CDC42BPB: variants seen among roughly 807,000 people sequenced by gnomAD.
CDC42BPB encodes serine/threonine-protein kinase MRCK beta.
A neutral mutation model predicts 214.9 loss-of-function variants in CDC42BPB; 37 were observed. That is an observed-to-expected ratio of 0.17 (90% confidence interval 0.13 to 0.23). The LOEUF (loss-of-function observed/expected upper bound fraction) is 0.23, where lower values mean the gene tolerates loss of function less well. Ranked by LOEUF, CDC42BPB falls within the 10% of genes least tolerant of loss-of-function variation. The probability of loss-of-function intolerance (pLI) is 1.00; values close to 1 mark genes in which losing one functional copy is unlikely to be tolerated. For missense variants in CDC42BPB, 1,694 were observed against 2,227.0 expected (o/e 0.76, Z 4.82); for synonymous variants, 931 against 884.0 (o/e 1.05, Z -0.94).
At chr14:103,055,484 T>C (rs763844111) in intron 1 of CDC42BPB, among the ~76,000 whole-genome samples, 1 of 152,216 alleles carries the variant, frequency 6.6e-6, no homozygotes, top group Admixed American at 6.5e-5. Flanking sequence ...AAGACCTCAC[T>C]TTCAAAGCAA....
At chr14:102,954,507 A>G (rs2139407393) in intron 22 of CDC42BPB, 95 bp downstream of exon 22, 1 of 1,403,932 alleles carries the variant, frequency 7.1e-7, no homozygotes. Flanking sequence ...CCCTCGCTGC[A>G]AACTGTTATG....
At chr14:103,038,713 GA>G (rs1280517418) in intron 1 of CDC42BPB, among the ~76,000 whole-genome samples, 3 of 93,958 alleles carry the variant, frequency 3.2e-5, no homozygotes, top group Non-Finnish European at 5.9e-5. Context: ...TTTTTGTAGA[GA>G]CGGGGGGGGG....
chr14:102,984,061 T>C (rs574693149), intron 6 of CDC42BPB: 2 of 166,492 alleles, frequency 1.2e-5, no homozygotes, highest in East Asian at 3.8e-4. Flanking sequence ...ACCTCAATAA[T>C]GCAAAATTCA....
In CDC42BPB at chr14:102,943,864, G is replaced by C. The variant is rs1179073932; in HGVS notation, c.4408+27C>G. On this transcript the variant is annotated intron_variant, in intron 30 of 36. Coordinates refer to ENST00000361246, the MANE Select transcript of CDC42BPB (RefSeq NM_006035.4). This position sits in a 1 kb window ranked among gnomAD's most constrained non-coding sequence, Gnocchi z 4.6. ...TGTCGGTGGGAAAAGCAGCAACAGG[G>C]ATATGCAACAGAAAACATATACATA... is the stretch of plus-strand genomic sequence containing the variant. 7 of 1,565,540 alleles carry C rather than the reference G, an allele frequency of 4.5e-6. No individual in the cohort carries two copies. Among genetic ancestry groups the C allele is most frequent in the African/African-American group, 1.4e-5 (1 of 73,548 alleles).
intron 7 of CDC42BPB, among the ~76,000 whole-genome samples, chr14:102,983,206 C>T (rs1005250224): frequency 6.6e-6 from 1 of 152,194 alleles, no homozygotes; most frequent in Admixed American, 6.5e-5. Context: ...CCGGGCGCCT[C>T]ACTCCATGCG....
At chr14:103,013,062 A>C (rs902926567) in intron 1 of CDC42BPB, among the ~76,000 whole-genome samples, 4 of 152,230 alleles carry the variant, frequency 2.6e-5, no homozygotes, top group Non-Finnish European at 5.9e-5. Flanking sequence ...AGTATACTTC[A>C]GTATCTATCA....
chr14:103,048,564 A>G (rs1226604142), intron 1 of CDC42BPB, among the ~76,000 whole-genome samples: 2 of 144,060 alleles, frequency 1.4e-5, no homozygotes, highest in African/African-American at 2.6e-5. Context: ...AAAAAAAATT[A>G]GCCAGGCATG....
chr14:102,938,197 C>T lies in CDC42BPB; in HGVS notation c.4934-23G>A, dbSNP rs140405905. The T allele has an allele frequency of 7.0e-4, 1,136 of 1,611,474 alleles. 18 individuals are homozygous for T. In the East Asian group the frequency reaches 0.02, roughly 28 times the overall value. On this transcript the variant is annotated intron_variant, in intron 35 of 36. Coordinates refer to ENST00000361246, the MANE Select transcript of CDC42BPB (RefSeq NM_006035.4). Reference sequence around the variant, plus strand: ...CACCTACAGAACAAGGACAGCTTTCCTCTTAGGGAGAAAGTCAAGAACGGA... The same window carrying T: ...CACCTACAGAACAAGGACAGCTTTCTTCTTAGGGAGAAAGTCAAGAACGGA...
intron 20 of CDC42BPB, 150 bp from the exon 21 acceptor site, chr14:102,959,860 A>AAG (rs1491370134): frequency 2.5e-5 from 29 of 1,145,798 alleles, no homozygotes; most frequent in African/African-American, 1.5e-4. Context: ...AAAAAAAAAA[A>AAG]GGGGTCAGGC....
intron 12 of CDC42BPB, 103 bp downstream of exon 12, chr14:102,973,913 T>A: frequency 1.4e-6 from 2 of 1,389,390 alleles, no homozygotes; most frequent in Non-Finnish European, 9.7e-7. Flanking sequence ...GGACAGCCCA[T>A]GGGCAGGAGT....
chr14:102,965,287 A>C (rs1305531238), intron 18 of CDC42BPB, among the ~76,000 whole-genome samples: 1 of 151,788 alleles, frequency 6.6e-6, no homozygotes, highest in Admixed American at 6.6e-5. Flanking sequence ...TTACAAACCT[A>C]AGGTACATTA....
At chr14:103,052,935 G>C (rs890401817) in intron 1 of CDC42BPB, among the ~76,000 whole-genome samples, 5 of 152,228 alleles carry the variant, frequency 3.3e-5, no homozygotes, top group African/African-American at 9.6e-5. Context: ...AAAGATGAAA[G>C]ACAACAAATT....
chr14:102,991,820 T>C (rs1264811489), intron 5 of CDC42BPB, among the ~76,000 whole-genome samples: 1 of 152,230 alleles, frequency 6.6e-6, no homozygotes, highest in Non-Finnish European at 1.5e-5. Flanking sequence ...AAAAGAAAAC[T>C]TTTAAAAGAA....
At chr14:102,938,590 G>GC (rs1420986369) in intron 34 of CDC42BPB, 179 bp from the exon 35 acceptor site, 1 of 978,520 alleles carries the variant, frequency 1.0e-6, no homozygotes, top group Non-Finnish European at 1.2e-6. Flanking sequence ...ACTGGCAATA[G>GC]CAACTTCAGG....
intron 29 of CDC42BPB, chr14:102,945,421 CT>C: frequency 1.8e-6 from 1 of 554,242 alleles, no homozygotes. Flanking sequence ...TCCCAGGGGG[CT>C]TTCCTTGACC....
In CDC42BPB at chr14:102,975,898, T is replaced by C; in HGVS notation, c.1372A>G (p.Ser458Gly). 1 of 1,614,172 alleles carries C rather than the reference T, an allele frequency of 6.2e-7. No homozygotes were observed. Among genetic ancestry groups the C allele is most frequent in the Non-Finnish European group, 8.5e-7 (1 of 1,180,014 alleles). The change falls in exon 10 of 37, where the codon AGC (serine) becomes GGC (glycine). Residue 458 changes from serine to glycine, a missense_variant. Around this residue, in one of 7 missense-constraint regions of CDC42BPB, gnomAD observed 462 missense variants for 513.5 expected, o/e 0.90. Coordinates refer to ENST00000361246, the MANE Select transcript of CDC42BPB (RefSeq NM_006035.4). ...CTGCCCTCACCTTGCAGCTTCCTGC[T>C]CAGCTCCAGCTTCTCCTGTTCCAGC... ...RRLEQEKLELSRKLQESTQTV... is the reference protein window; with the variant it reads ...RRLEQEKLELGRKLQESTQTV...
chr14:103,004,003 C>T lies in CDC42BPB; in HGVS notation c.372G>A (p.Glu124=), dbSNP rs2139609565. 1.2e-6 allele frequency: 2 copies of T among 1,606,676 alleles called. No individual in the cohort carries two copies. The highest frequency in any genetic ancestry group is 1.7e-4 in the Middle Eastern group (1 of 6,056). ...KRAETACFRE[E]RDVLVNGDCQ... ...AGTCGCCGTTCACCAGCACATCGCG[C>T]TCCTCTCGGAAGCACGCGGTCTGCA... The change falls in exon 4 of 37, where the codon GAG becomes GAA. Residue 124 remains glutamate (E), a synonymous_variant. Coordinates refer to ENST00000361246, the MANE Select transcript of CDC42BPB (RefSeq NM_006035.4). This position sits in a 1 kb window ranked among gnomAD's most constrained non-coding sequence, Gnocchi z 5.3.
chr14:102,968,718 T>C lies in CDC42BPB; in HGVS notation c.1996-2A>G. On this transcript the variant is annotated splice_acceptor_variant, in intron 14 of 36. Transcript: ENST00000361246. LOFTEE classifies it high-confidence loss of function. ...CGCTCCCCGGCCTCCTTGCTTCACC[T>C]GAAGACAAAGGTTAACATAAATTGA... The C allele has an allele frequency of 6.2e-7, 1 of 1,613,560 alleles. No individual in the cohort carries two copies. The highest frequency in any genetic ancestry group is 8.5e-7 in the Non-Finnish European group (1 of 1,179,958).
In CDC42BPB at chr14:103,001,761, C is replaced by T. The variant is rs1467835250; in HGVS notation, c.448-2048G>A. On this transcript the variant is annotated intron_variant, in intron 4 of 36. Transcript: ENST00000361246. This position sits in a 1 kb window ranked among gnomAD's most constrained non-coding sequence, Gnocchi z 5.8. ...GATGCGGTGAACGAACGGCCAGGCC[C>T]TCGGGCCCCTAAGGAAGGCCGTGGG... Among the ~76,000 whole-genome samples the T allele has an allele frequency of 2.0e-5, 3 of 152,188 alleles. No homozygotes were observed. The highest frequency in any genetic ancestry group is 1.5e-5 in the Non-Finnish European group (1 of 68,032).
Sources: gnomAD v4.1 joint callset for allele counts (sites outside exome capture counted in the v4.1 genomes callset) on GRCh38, gnomAD v4.1.1 for gene constraint, gnomAD v4.1.1 regional missense constraint, Gnocchi (gnomAD v3.1) non-coding constraint, MANE v1.5 for transcripts, NCBI Gene and HGNC (gene_info 2026-07-23, HGNC 2026-07-21) for gene names.